TXNL4A: variants seen among roughly 807,000 people sequenced by gnomAD.
TXNL4A encodes thioredoxin like 4A, also known as thioredoxin-like protein 4A.
Under a neutral mutation model 14.6 loss-of-function variants are expected in TXNL4A, and 17 were observed. That is an observed-to-expected ratio of 1.16 (90% CI 0.80 to 1.74). The LOEUF (loss-of-function observed/expected upper bound fraction) is 1.74, where lower values mean the gene tolerates loss of function less well. TXNL4A is among the 40% of genes most tolerant of loss of function. The probability of loss-of-function intolerance (pLI) is 0.00; values close to 1 mark genes in which losing one functional copy is unlikely to be tolerated. For missense variants in TXNL4A, 74 were observed against 195.2 expected (o/e 0.38, Z 3.70); for synonymous variants, 83 against 70.6 (o/e 1.18, Z -0.88).
intron 2 of TXNL4A, 47 bp from the exon 3 acceptor site, chr18:79,973,903 A>C (rs2051339054): frequency 1.9e-6 from 3 of 1,593,492 alleles, no homozygotes; most frequent in Non-Finnish European, 2.6e-6. Context: ...GTCTCTTTAA[A>C]AAAGAATTCC....
chr18:79,989,373 G>A (rs372591923), upstream of TXNL4A, among the ~76,000 whole-genome samples: 2 of 151,954 alleles, frequency 1.3e-5, no homozygotes, highest in Non-Finnish European at 2.9e-5. Context: ...GCCTCCCAAA[G>A]CGCTGAAATT....
At chr18:79,988,161 C>G (rs2051583723) in intron 1 of TXNL4A, 79 bp downstream of exon 1, 1 of 1,331,518 alleles carries the variant, frequency 7.5e-7, no homozygotes, top group East Asian at 3.0e-5. Context: ...GCTCGCGCCC[C>G]CAGGCGACGC....
Position 80,011,348 on chromosome 18 carries a change from G to C in TXNL4A, c.-61+22503C>G, listed in dbSNP as rs972724554. 5.9e-5 allele frequency among the ~76,000 whole-genome samples: 9 copies of C among 152,152 alleles called. No homozygotes were observed. Among genetic ancestry groups the C allele is most frequent in the African/African-American group, 2.2e-4 (9 of 41,430 alleles). On this transcript the variant is annotated intron_variant, in intron 1 of 2. Coordinates refer to the TXNL4A transcript ENST00000585474. This position sits in a 1 kb window ranked among gnomAD's most constrained non-coding sequence, Gnocchi z 4.1. ...TTGTAAATTTTTCTCTACCTGACTG[G>C]AAGTGTTGATCCAGAAACAGCATGT...
chr18:80,013,989 G>A (rs1451712755), intron 1 of TXNL4A, among the ~76,000 whole-genome samples: 1 of 152,130 alleles, frequency 6.6e-6, no homozygotes, highest in Non-Finnish European at 1.5e-5. Context: ...AAAAGCAGAA[G>A]GCCCTGATAA....
At chr18:79,978,868 C>T (rs1035642912) in intron 1 of TXNL4A, among the ~76,000 whole-genome samples, 1 of 151,658 alleles carries the variant, frequency 6.6e-6, no homozygotes, top group African/African-American at 2.4e-5. Context: ...TCTGTTCAGA[C>T]ATAGCAAAAT....
chr18:80,019,505 G>T (rs1043583985), intron 1 of TXNL4A, among the ~76,000 whole-genome samples: 2 of 152,160 alleles, frequency 1.3e-5, no homozygotes, highest in African/African-American at 4.8e-5. Context: ...TTTTGGTGGG[G>T]ACACAGCCAA....
At chr18:79,992,649 A>C (rs1189456652), upstream of TXNL4A, among the ~76,000 whole-genome samples, 1 of 152,160 alleles carries the variant, frequency 6.6e-6, no homozygotes, top group Non-Finnish European at 1.5e-5. Context: ...TATTTTGCCC[A>C]CAAGGAAATT....
rs559895901 is a variant in TXNL4A at position 79,988,454 on chromosome 18, C to T, written c.-62G>A. ...GCCAGGGAGGGCCCAGCGAGGTGGG[C>T]TCAGCCGGCCCCTCACTCCCCGGCC... On this transcript the variant is annotated 5_prime_UTR_variant, in exon 1 of 3. Coordinates refer to ENST00000269601, the MANE Select transcript of TXNL4A (RefSeq NM_006701.5). 461 of 1,298,310 alleles carry T rather than the reference C, an allele frequency of 3.6e-4. 1 individual carries two copies. In the East Asian group the frequency reaches 0.014, roughly 38 times the overall value. The allele number at this position is 1,298,310 out of a possible 1,614,324, so 80.4% of individuals were successfully genotyped here.
chr18:80,015,592 A>G (rs1414850194), intron 1 of TXNL4A, among the ~76,000 whole-genome samples: 3 of 150,542 alleles, frequency 2.0e-5, no homozygotes, highest in Non-Finnish European at 4.4e-5. Context: ...ATTCCCATCT[A>G]TAAGTGAGAA....
At chr18:80,006,281 G>A (rs2051730327) in intron 1 of TXNL4A, among the ~76,000 whole-genome samples, 1 of 152,116 alleles carries the variant, frequency 6.6e-6, no homozygotes, top group East Asian at 1.9e-4. Flanking sequence ...CTACTTGGGA[G>A]GCTGAGGCAG....
intron 1 of TXNL4A, among the ~76,000 whole-genome samples, chr18:80,002,937 C>G (rs1037665244): frequency 1.3e-5 from 2 of 152,206 alleles, no homozygotes; most frequent in African/African-American, 4.8e-5. Context: ...CCTCCAGCAA[C>G]AGGTGAGGGA....
intron 1 of TXNL4A, among the ~76,000 whole-genome samples, chr18:79,983,053 C>T (rs753384971): frequency 2.4e-4 from 36 of 152,092 alleles, no homozygotes; most frequent in Admixed American, 9.2e-4. Context: ...CAGGCTGGAG[C>T]AGAGTGGCGT....
At chr18:80,006,443 A>G (rs771732282) in intron 1 of TXNL4A, among the ~76,000 whole-genome samples, 1 of 149,634 alleles carries the variant, frequency 6.7e-6, no homozygotes, top group Admixed American at 6.6e-5. Flanking sequence ...GGGGCGCCTC[A>G]GAGAGAGGAT....
At chr18:80,024,331 T>C (rs2051870140) in intron 1 of TXNL4A, among the ~76,000 whole-genome samples, 1 of 152,218 alleles carries the variant, frequency 6.6e-6, no homozygotes, top group Admixed American at 6.5e-5. Context: ...GAATTCTGTC[T>C]TGCAAATTCT....
rs535257779 is a variant in TXNL4A at position 79,988,173 on chromosome 18, G to A, written c.153+67C>T. On this transcript the variant is annotated intron_variant, in intron 1 of 2. Transcript: ENST00000269601. ...ACAGCTCGCGCCCCCAGGCGACGCCGGCAGGGCAGAGGCGCGGGGCAGATG... is the reference window on the plus strand; with the variant it reads ...ACAGCTCGCGCCCCCAGGCGACGCCAGCAGGGCAGAGGCGCGGGGCAGATG... 19 of 1,363,388 alleles carry A rather than the reference G, an allele frequency of 1.4e-5. No individual in the cohort carries two copies. In the African/African-American group the frequency reaches 2.8e-4, roughly 20 times the overall value. 84.5% of individuals were successfully genotyped at this position (1,363,388 alleles called of 1,614,324 possible).
At chr18:79,977,742 C>T (rs1469347018) in intron 1 of TXNL4A, 41 bp from the exon 2 acceptor site, 3 of 1,232,156 alleles carry the variant, frequency 2.4e-6, no homozygotes, top group African/African-American at 3.1e-5. Flanking sequence ...TAACAGAACA[C>T]TTTGGCTTTC....
chr18:80,015,888 G>A (rs1408240940), intron 1 of TXNL4A, among the ~76,000 whole-genome samples: 4 of 136,298 alleles, frequency 2.9e-5, no homozygotes, highest in South Asian at 5.3e-4. Flanking sequence ...GTAATGGGAT[G>A]GCTGGGTCAA....
intron 1 of TXNL4A, among the ~76,000 whole-genome samples, chr18:80,024,641 G>C (rs1485798076): frequency 3.9e-5 from 6 of 152,164 alleles, no homozygotes; most frequent in African/African-American, 1.4e-4. Flanking sequence ...TCACCTGAGG[G>C]TGTCTGGGAG....
chr18:80,028,887 A>T (rs776318985), intron 1 of TXNL4A, among the ~76,000 whole-genome samples: 2 of 152,218 alleles, frequency 1.3e-5, no homozygotes, highest in Admixed American at 6.5e-5. Context: ...CTAAAACCCA[A>T]ATGTTTGGCA....
Sources: allele counts gnomAD v4.1 joint callset (sites outside exome capture counted in the v4.1 genomes callset), GRCh38; gene constraint gnomAD v4.1.1; non-coding constraint Gnocchi (gnomAD v3.1); transcripts MANE v1.5; gene names NCBI Gene and HGNC (gene_info 2026-07-23, HGNC 2026-07-21).